ISCU: variants seen among roughly 807,000 people sequenced by gnomAD.
ISCU encodes iron-sulfur cluster assembly enzyme ISCU.
ISCU carries 13 observed loss-of-function variants against 18.4 expected under a neutral mutation model. The ratio of observed to expected loss-of-function variants is 0.71; its 90% CI spans 0.46 to 1.12. The LOEUF (loss-of-function observed/expected upper bound fraction) is 1.12. Among genes scored for constraint, ISCU ranks in the 50% most tolerant of loss-of-function variants. ISCU has a pLI of 0.00. For synonymous variants in ISCU, 104 were observed against 87.5 expected (o/e 1.19, Z -1.06); for missense variants, 229 against 208.7 (o/e 1.10, Z -0.60).
intron 4 of ISCU, chr12:108,567,739 G>A: frequency 6.5e-7 from 1 of 1,535,876 alleles, no homozygotes; most frequent in African/African-American, 1.4e-5. Flanking sequence ...CTTCCTGTCT[G>A]GATGGTATTC....
In ISCU at chr12:108,565,443, C is replaced by T. The variant is rs970594257; in HGVS notation, c.339+12C>T. 1.9e-6 allele frequency: 3 copies of T among 1,557,020 alleles called. No individual in the cohort carries two copies. Among genetic ancestry groups the T allele is most frequent in the Non-Finnish European group, 1.8e-6 (2 of 1,127,738 alleles). ...TGAAAGGAAAGACGGTAAGGTGGCT[C>T]ACAAATCTAATGGGTCAAAAACAAG... On this transcript the variant is annotated intron_variant, in intron 3 of 4. Coordinates refer to ENST00000311893, the MANE Select transcript of ISCU (RefSeq NM_213595.4).
chr12:108,567,414 G>C (rs1308065511), intron 4 of ISCU, 146 bp downstream of exon 4: 2 of 773,394 alleles, frequency 2.6e-6, no homozygotes, highest in Non-Finnish European at 4.5e-6. Flanking sequence ...CCTGCAGAGG[G>C]TTAGAGCCCC....
rs147522981 is a variant in ISCU, at chr12:108,569,210, C to T, written c.*294C>T. ...AATGAAGTTGCAAGTTTTGATAGCC[C>T]GTGAAGTGCATAAGTATCTAATTTT... On this transcript the variant is annotated 3_prime_UTR_variant, in exon 5 of 5. Transcript: ENST00000311893. 94 of 420,648 alleles carry T rather than the reference C, an allele frequency of 2.2e-4. No homozygotes were observed. Among genetic ancestry groups the T allele is most frequent in the African/African-American group, 1.6e-3 (81 of 49,650 alleles). 26.1% of individuals were successfully genotyped at this position (420,648 alleles called of 1,614,324 possible).
chr12:108,567,044 C>G, intron 3 of ISCU, 146 bp from the exon 4 acceptor site: 1 of 700,370 alleles, frequency 1.4e-6, no homozygotes, highest in Non-Finnish European at 2.6e-6. Flanking sequence ...AGTGGGAGTC[C>G]TGAGAAGACC....
At chr12:108,568,550 T>C (rs2031005879) in intron 4 of ISCU, 2 of 1,314,594 alleles carry the variant, frequency 1.5e-6, no homozygotes, top group South Asian at 1.6e-5. Flanking sequence ...AGCATGATTA[T>C]CCCAGTTCTA....
chr12:108,562,636 G>T lies in ISCU; in HGVS notation c.14G>T (p.Gly5Val). The change falls in exon 1 of 5, where the codon GGG becomes GTG. Residue 5 changes from glycine to valine, a missense_variant. Physicochemically the swap from Gly to Val is moderately radical, Grantham distance 109. Transcript: ENST00000311893. The part of the protein sequence containing the change: MAAA[G>V]AFRLRRAASA... Reference sequence around the variant, plus strand: ...CAAGCCGGCAAGATGGCGGCGGCTGGGGCTTTCCGTCTGAGGCGGGCGGCA... The same window carrying T: ...CAAGCCGGCAAGATGGCGGCGGCTGTGGCTTTCCGTCTGAGGCGGGCGGCA... 1 of 1,479,656 alleles carries T rather than the reference G, an allele frequency of 6.8e-7. No homozygotes were observed. Among genetic ancestry groups the T allele is most frequent in the Non-Finnish European group, 8.9e-7 (1 of 1,122,644 alleles). 91.7% of individuals were successfully genotyped at this position (1,479,656 alleles called of 1,614,324 possible). A position where few individuals can be genotyped will look rare whatever the true frequency, so the allele number is the denominator to read the frequency against.
upstream of ISCU, among the ~76,000 whole-genome samples, chr12:108,562,101 A>G (rs2030595940): frequency 6.6e-6 from 1 of 152,224 alleles, no homozygotes; most frequent in South Asian, 2.1e-4. Flanking sequence ...GGGAAGATTC[A>G]GACTCAGCGA....
At chr12:108,567,701 AT>A in intron 4 of ISCU, 1 of 1,536,070 alleles carries the variant, frequency 6.5e-7, no homozygotes, top group Middle Eastern at 1.7e-4. Context: ...AGCTTTCGCC[AT>A]AATCCTGTTT....
rs1426998960 is a variant in ISCU, at chr12:108,562,681, G to T, written c.59G>T (p.Ser20Ile). 2 of 1,449,824 alleles carry T rather than the reference G, an allele frequency of 1.4e-6. No individual in the cohort carries two copies. The highest frequency in any genetic ancestry group is 2.8e-5 in the South Asian group (2 of 70,566). 89.8% of individuals were successfully genotyped at this position (1,449,824 alleles called of 1,614,324 possible). ...GCGGCATCGGCTCTGCTGCTGCGGAGCCCCCGCCTGCCCGCCCGGGAGCTG... is the reference window on the plus strand; with the variant it reads ...GCGGCATCGGCTCTGCTGCTGCGGATCCCCCGCCTGCCCGCCCGGGAGCTG... Reference protein sequence around the residue: ...RRAASALLLRSPRLPARELSA... With the variant: ...RRAASALLLRIPRLPARELSA... The change falls in exon 1 of 5, where the codon AGC (serine) becomes ATC (isoleucine). Residue 20 changes from serine (S) to isoleucine (I), a missense_variant. Coordinates refer to ENST00000311893, the MANE Select transcript of ISCU (RefSeq NM_213595.4).
At chr12:108,568,024 T>G in intron 4 of ISCU, 1 of 1,517,950 alleles carries the variant, frequency 6.6e-7, no homozygotes, top group East Asian at 2.5e-5. Flanking sequence ...AAGGTAATAC[T>G]CACAGCAGAA....
At chr12:108,564,509 G>A in intron 2 of ISCU, 117 bp downstream of exon 2, 1 of 763,936 alleles carries the variant, frequency 1.3e-6, no homozygotes, top group Non-Finnish European at 2.3e-6. Flanking sequence ...ATTTCACTTG[G>A]TCTCCATTCC....
chr12:108,568,453 A>T (rs868149020), intron 4 of ISCU: 2 of 1,126,754 alleles, frequency 1.8e-6, no homozygotes, highest in African/African-American at 1.6e-5. Context: ...CTAGACTTTG[A>T]TGGGAGCAGG....
intron 4 of ISCU, chr12:108,567,860 T>G: frequency 6.8e-7 from 1 of 1,467,098 alleles, no homozygotes; most frequent in Non-Finnish European, 9.2e-7. Flanking sequence ...GTACTTGGCT[T>G]TCCAGTTTGG....
rs2136709332 is a variant in ISCU, at chr12:108,562,701, G to C, written c.79G>C (p.Glu27Gln). The C allele has an allele frequency of 6.7e-7, 1 of 1,490,370 alleles. No individual in the cohort carries two copies. The highest frequency in any genetic ancestry group is 2.3e-5 in the Admixed American group (1 of 43,532). 92.3% of individuals were successfully genotyped at this position (1,490,370 alleles called of 1,614,324 possible). The change falls in exon 1 of 5, where the codon GAG becomes CAG. Residue 27 changes from glutamate (E) to glutamine (Q), a missense_variant. By Grantham distance (29) the Glu-to-Gln change is conservative. Transcript: ENST00000311893. ...GCGGAGCCCCCGCCTGCCCGCCCGG[G>C]AGCTGTCGGCCCCGGCCCGACTCTA... is the stretch of plus-strand genomic sequence containing the variant. ...LLRSPRLPARELSAPARLYHK... is the reference protein window; with the variant it reads ...LLRSPRLPARQLSAPARLYHK...
At chr12:108,567,876 G>A (rs999534950) in intron 4 of ISCU, 8 of 1,441,172 alleles carry the variant, frequency 5.6e-6, no homozygotes, top group Non-Finnish European at 7.5e-6. Flanking sequence ...TTTGGTCTCT[G>A]TATTAAATCT....
At position 108,569,127 on chromosome 12, in the gene ISCU, C is replaced by G. The variant is rs2031037502; in HGVS notation, c.*211C>G. 5.5e-5 allele frequency: 32 copies of G among 582,662 alleles called. No individual in the cohort carries two copies. The South Asian group carries it at 6.4e-4, about 12-fold the overall frequency. 36.1% of individuals were successfully genotyped at this position (582,662 alleles called of 1,614,324 possible). A position where few individuals can be genotyped will look rare whatever the true frequency, so the allele number is the denominator to read the frequency against. On this transcript the variant is annotated 3_prime_UTR_variant, in exon 5 of 5. Transcript: ENST00000311893. ...GTTTCTTTCAGCCCACTTTTATCGCCTTAACCTAGTTAATGTATATTTTGA... is the reference window on the plus strand; with the variant it reads ...GTTTCTTTCAGCCCACTTTTATCGCGTTAACCTAGTTAATGTATATTTTGA...
At chr12:108,567,499 T>C in intron 4 of ISCU, 3 of 732,804 alleles carry the variant, frequency 4.1e-6, no homozygotes, top group Admixed American at 4.3e-5. Flanking sequence ...GAGCACTTCA[T>C]GGGCGTAATT....
At chr12:108,565,551 G>A in intron 3 of ISCU, 120 bp downstream of exon 3, 4 of 712,440 alleles carry the variant, frequency 5.6e-6, no homozygotes, top group Non-Finnish European at 7.5e-6. Flanking sequence ...TCTTCAAATT[G>A]GGAATTATGG....
At chr12:108,564,461 A>T in intron 2 of ISCU, 69 bp downstream of exon 2, 1 of 1,049,254 alleles carries the variant, frequency 9.5e-7, no homozygotes, top group Non-Finnish European at 1.5e-6. Flanking sequence ...TGCGCATTTC[A>T]CTTGGTCTCC....
Sources: gnomAD v4.1 joint callset for allele counts (sites outside exome capture counted in the v4.1 genomes callset) on GRCh38, gnomAD v4.1.1 for gene constraint, MANE v1.5 for transcripts, NCBI Gene and HGNC (gene_info 2026-07-23, HGNC 2026-07-21) for gene names.